Variants in WFDC5 observed in about 807,000 individuals in gnomAD.
WFDC5 encodes the protein WAP four-disulfide core domain 5.
In WFDC5, 15 loss-of-function variants were observed where a neutral mutation model predicts 15.7. That is an observed-to-expected ratio of 0.96 (90% CI 0.64 to 1.47). The LOEUF (loss-of-function observed/expected upper bound fraction) is 1.47, where lower values mean the gene tolerates loss of function less well. Among genes scored for constraint, WFDC5 ranks in the 40% most tolerant of loss-of-function variants. The pLI is 0.00. For missense variants in WFDC5, 280 were observed against 258.0 expected, an observed-to-expected ratio of 1.09 and a Z score of -0.59; for synonymous variants, 109 against 107.7, an observed-to-expected ratio of 1.01 and a Z score of -0.07.
At chr20:45,110,525 C>A in exon 3 of WFDC5, 5 of 1,614,190 alleles carry the variant, frequency 3.1e-6, no homozygotes, top group Middle Eastern at 1.6e-4. Context: ...GTCCTCTGGG[C>A]AGCTGCCCAG....
At chr20:45,115,193 C>G, upstream of WFDC5, 2 of 1,007,986 alleles carry the variant, frequency 2.0e-6, no homozygotes, top group Non-Finnish European at 1.4e-6. Context: ...TGGAGTGACA[C>G]CGTGCCTGCT....
At chr20:45,116,235 C>T (rs1257331738), upstream of WFDC5, among the ~76,000 whole-genome samples, 3 of 152,180 alleles carry the variant, frequency 2.0e-5, no homozygotes, top group African/African-American at 4.8e-5. Flanking sequence ...ATGTGAATCT[C>T]TCGTGCTGTC....
exon 4 of WFDC5, chr20:45,109,819 G>A (rs1417535787): frequency 1.2e-6 from 1 of 810,756 alleles, no homozygotes; most frequent in Non-Finnish European, 2.1e-6. Flanking sequence ...TATGGACTTT[G>A]ACTCCCAGGA....
intron 1 of WFDC5, among the ~76,000 whole-genome samples, chr20:45,110,982 C>T (rs1355644147): frequency 6.6e-6 from 1 of 152,204 alleles, no homozygotes; most frequent in African/African-American, 2.4e-5. Flanking sequence ...TAGTTTGAGA[C>T]TCAGATGGCA....
upstream of WFDC5, among the ~76,000 whole-genome samples, chr20:45,115,443 T>C (rs1267984802): frequency 6.6e-6 from 1 of 152,138 alleles, no homozygotes; most frequent in Non-Finnish European, 1.5e-5. Context: ...CTCAAAGATG[T>C]TGAAGCCCCA....
At position 45,109,910 on chromosome 20, in the gene WFDC5, A is replaced by G. The variant is rs544963885; in HGVS notation, c.497T>C (p.Leu166Pro). 183 of 1,509,558 alleles carry G rather than the reference A, an allele frequency of 1.2e-4. 2 individuals are homozygous for G. The South Asian group carries it at 2.0e-3, about 16-fold the overall frequency. 93.5% of individuals were successfully genotyped at this position (1,509,558 alleles called of 1,614,324 possible). Reference sequence around the variant, plus strand: ...AGAAGGCTGGAACCACCGCTGGTAGAGATAGTGCTGTCCAGCGGGCAGGGC... The same window carrying G: ...AGAAGGCTGGAACCACCGCTGGTAGGGATAGTGCTGTCCAGCGGGCAGGGC... Residue 166 changes from leucine to proline, a missense_variant, in exon 4 of 4, where the codon CTC becomes CCC. Leu to Pro is a moderately conservative substitution (Grantham distance 98). Coordinates refer to ENST00000307971, the Ensembl canonical transcript of WFDC5.
exon 1 of WFDC5, chr20:45,115,161 A>T: frequency 7.2e-7 from 1 of 1,382,966 alleles, no homozygotes; most frequent in South Asian, 1.2e-5. Flanking sequence ...AAACTTAGTC[A>T]GGAGAGGAAA....
intron 1 of WFDC5, among the ~76,000 whole-genome samples, chr20:45,114,155 T>G (rs1436556444): frequency 6.6e-6 from 1 of 152,214 alleles, no homozygotes; most frequent in Non-Finnish European, 1.5e-5. Context: ...GGTCCAGCCT[T>G]GGAGCTCACC....
chr20:45,114,974 C>A (rs769834623), intron 1 of WFDC5, 25 bp downstream of exon 1: 13 of 1,610,972 alleles, frequency 8.1e-6, no homozygotes, highest in Non-Finnish European at 8.5e-7. Context: ...CTGGTCCCCC[C>A]AGCAGAGGGA....
rs1568797411 is a variant in WFDC5 at position 45,110,804 on chromosome 20, T to C, written c.86-29A>G. 6 of 1,612,440 alleles carry C rather than the reference T, an allele frequency of 3.7e-6. No individual in the cohort carries two copies. In the South Asian group the frequency reaches 4.4e-5, roughly 12 times the overall value. ...TAAGAGAATCTCCTAATATTGCAGC[T>C]GGAGGAAGCTCACGGTTATGTAATA... On this transcript the variant is annotated intron_variant, in intron 1 of 3. Transcript: ENST00000307971.
Position 45,110,112 on chromosome 20 carries a change from G to C in WFDC5, c.394-99C>G, listed in dbSNP as rs555400386. 6.0e-4 allele frequency: 902 copies of C among 1,505,018 alleles called. 3 individuals carry two copies. The Middle Eastern group carries it at 8.9e-3, about 15-fold the overall frequency. The allele number at this position is 1,505,018 out of a possible 1,614,324, so 93.2% of individuals were successfully genotyped here. ...ATGCCCCACCAGCTCAGCTCTGGTT[G>C]CCACCAAGGCAGGATTCCTCTGCCC... On this transcript the variant is annotated intron_variant, in intron 3 of 3. Transcript: ENST00000307971.
chr20:45,110,670 C>G (rs1227121381), exon 2 of WFDC5: 2 of 1,614,006 alleles, frequency 1.2e-6, no homozygotes, highest in South Asian at 2.2e-5. Context: ...GAAGCAAGCT[C>G]TGTAGCAGCA....
At chr20:45,114,823 A>T (rs1336124821) in intron 1 of WFDC5, among the ~76,000 whole-genome samples, 176 bp downstream of exon 1, 1 of 151,946 alleles carries the variant, frequency 6.6e-6, no homozygotes, top group African/African-American at 2.4e-5. Context: ...ACATAAAAAC[A>T]CAGGCTTCTG....
intron 1 of WFDC5, among the ~76,000 whole-genome samples, chr20:45,113,107 C>T (rs1981666055): frequency 6.6e-6 from 1 of 152,178 alleles, no homozygotes; most frequent in Non-Finnish European, 1.5e-5. Context: ...TATATCTTCC[C>T]AATACCACAT....
upstream of WFDC5, among the ~76,000 whole-genome samples, chr20:45,115,873 A>G (rs1037280922): frequency 2.0e-5 from 3 of 152,136 alleles, no homozygotes; most frequent in African/African-American, 7.2e-5. Flanking sequence ...CGTATCTCTG[A>G]TGTTGCCTCC....
At chr20:45,113,293 G>A (rs1041022362) in intron 1 of WFDC5, among the ~76,000 whole-genome samples, 4 of 152,170 alleles carry the variant, frequency 2.6e-5, no homozygotes, top group South Asian at 2.1e-4. Flanking sequence ...CCTTGGCTTC[G>A]TCACCTTCCT....
At chr20:45,115,107 C>T (rs1484022951) in exon 1 of WFDC5, 1 of 1,606,412 alleles carries the variant, frequency 6.2e-7, no homozygotes, top group East Asian at 2.2e-5. Flanking sequence ...GCTCAGGGCC[C>T]AGGGCCCCCC....
chr20:45,110,842 G>C, intron 1 of WFDC5, 67 bp from the exon 2 acceptor site: 1 of 1,589,708 alleles, frequency 6.3e-7, no homozygotes, highest in Non-Finnish European at 8.6e-7. Flanking sequence ...CGCTGACCTG[G>C]GAATGACAAG....
At position 45,110,461 on chromosome 20, in the gene WFDC5, G is replaced by A. The variant is rs764863963; in HGVS notation, c.306C>T (p.Cys102=). 16 of 1,613,922 alleles carry A rather than the reference G, an allele frequency of 9.9e-6. No homozygotes were observed. The South Asian group carries it at 1.4e-4, about 14-fold the overall frequency. ...TGTGGCAGCATCGCTTTTTGCCCGA[G>A]CAGTCTGAGTCCTTGTGACACAGGT... Residue 102 remains cysteine, a synonymous_variant, in exon 3 of 4, where the codon TGC becomes TGT. Transcript: ENST00000307971.
Sources: allele counts gnomAD v4.1 joint callset (sites outside exome capture counted in the v4.1 genomes callset), GRCh38; gene constraint gnomAD v4.1.1; transcripts MANE v1.5; gene names NCBI Gene and HGNC (gene_info 2026-07-23, HGNC 2026-07-21).